The following LDAH variants were observed in gnomAD, a reference collection of about 807,000 sequenced individuals.
LDAH encodes the protein lipid droplet-associated hydrolase.
Under a neutral mutation model 29.6 loss-of-function variants are expected in LDAH, and 26 were observed. The ratio of observed to expected loss-of-function variants is 0.88; its 90% CI spans 0.64 to 1.22. LDAH has a LOEUF of 1.22. LDAH is among the 50% of genes most tolerant of loss of function. The probability of loss-of-function intolerance (pLI) is 0.00; values close to 1 mark genes in which losing one functional copy is unlikely to be tolerated. For missense variants in LDAH, 344 were observed against 387.3 expected, an observed-to-expected ratio of 0.89 and a Z score of 0.94; for synonymous variants, 117 against 133.0, an observed-to-expected ratio of 0.88 and a Z score of 0.83.
intron 3 of LDAH, among the ~76,000 whole-genome samples, chr2:20,789,658 G>C (rs370221541): frequency 6.6e-6 from 1 of 152,054 alleles, no homozygotes; most frequent in South Asian, 2.1e-4. Flanking sequence ...TTTATAAAAG[G>C]GGTTCCCAAC....
intron 5 of LDAH, among the ~76,000 whole-genome samples, chr2:20,702,541 C>T (rs190649993): frequency 5.3e-5 from 8 of 152,202 alleles, no homozygotes; most frequent in African/African-American, 1.4e-4. Flanking sequence ...ATATACCCTA[C>T]GCTTTCTTGT....
intron 4 of LDAH, among the ~76,000 whole-genome samples, chr2:20,748,162 T>C (rs1279590762): frequency 6.6e-6 from 1 of 152,146 alleles, no homozygotes; most frequent in African/African-American, 2.4e-5. Context: ...TGAAACAAAA[T>C]TATGCCATTT....
At chr2:20,767,816 A>G (rs1383254771) in intron 4 of LDAH, among the ~76,000 whole-genome samples, 1 of 152,224 alleles carries the variant, frequency 6.6e-6, no homozygotes, top group Non-Finnish European at 1.5e-5. Flanking sequence ...CAGCCAGAGC[A>G]GAGCAGAGGA....
In LDAH at chr2:20,685,460, G is replaced by A. The variant is rs1662492490; in HGVS notation, c.*1443C>T. ...TCCCCTTGGGCTAACAGCACTCCTT[G>A]TCTGGAGCTTGGCTTTTCCCCTCTG... On this transcript the variant is annotated 3_prime_UTR_variant, in exon 7 of 7. Coordinates refer to ENST00000237822, the MANE Select transcript of LDAH (RefSeq NM_021925.4). The A allele has an allele frequency of 7.3e-6, 11 of 1,500,986 alleles. No homozygotes were observed. Among genetic ancestry groups the A allele is most frequent in the Non-Finnish European group, 9.8e-6 (11 of 1,121,038 alleles). 93.0% of individuals were successfully genotyped at this position (1,500,986 alleles called of 1,614,324 possible).
intron 4 of LDAH, among the ~76,000 whole-genome samples, chr2:20,743,724 G>A (rs1366421673): frequency 6.6e-6 from 1 of 151,562 alleles, no homozygotes; most frequent in Non-Finnish European, 1.5e-5. Flanking sequence ...TTCTTTCTGA[G>A]TTTCCTGGAT....
At chr2:20,804,338 G>T (rs1671921755) in intron 1 of LDAH, among the ~76,000 whole-genome samples, 1 of 152,026 alleles carries the variant, frequency 6.6e-6, no homozygotes, top group African/African-American at 2.4e-5. Flanking sequence ...CTCATAAAAG[G>T]TATAAACTTT....
intron 4 of LDAH, among the ~76,000 whole-genome samples, chr2:20,770,092 C>G (rs969029397): frequency 6.6e-6 from 1 of 152,048 alleles, no homozygotes; most frequent in African/African-American, 2.4e-5. Flanking sequence ...GTGTTATTAC[C>G]ACTGCCCTTA....
chr2:20,683,327 C>T (rs1662366838), downstream of LDAH, among the ~76,000 whole-genome samples: 1 of 152,206 alleles, frequency 6.6e-6, no homozygotes, highest in East Asian at 1.9e-4. Flanking sequence ...TTGCTGTCCT[C>T]AGCACTCCTG....
At chr2:20,785,148 G>A (rs1207169260) in intron 3 of LDAH, among the ~76,000 whole-genome samples, 2 of 152,106 alleles carry the variant, frequency 1.3e-5, no homozygotes, top group African/African-American at 4.8e-5. Context: ...CTTCTCCGAT[G>A]CTCTTCTTTA....
At chr2:20,763,879 T>G (rs17665125) in intron 4 of LDAH, among the ~76,000 whole-genome samples, 8 of 152,124 alleles carry the variant, frequency 5.3e-5, no homozygotes, top group Admixed American at 5.2e-4. Flanking sequence ...TGTTCTATTA[T>G]AAACCCGTTT....
chr2:20,712,574 A>G (rs1664850934), intron 5 of LDAH, among the ~76,000 whole-genome samples: 1 of 152,364 alleles, frequency 6.6e-6, no homozygotes, highest in East Asian at 1.9e-4. Context: ...GAAGGTCGGT[A>G]ATAACAAACT....
intron 4 of LDAH, among the ~76,000 whole-genome samples, chr2:20,742,550 T>C (rs113883892): frequency 6.6e-6 from 1 of 152,160 alleles, no homozygotes; most frequent in African/African-American, 2.4e-5. Flanking sequence ...ATTACGTAAT[T>C]ACCTTTTTTA....
chr2:20,759,659 C>A (rs1257112030), intron 4 of LDAH, among the ~76,000 whole-genome samples: 1 of 152,134 alleles, frequency 6.6e-6, no homozygotes, highest in Non-Finnish European at 1.5e-5. Flanking sequence ...TCTATCTGAA[C>A]TAAACAAAAG....
intron 4 of LDAH, among the ~76,000 whole-genome samples, chr2:20,754,428 T>C (rs551546081): frequency 1.4e-5 from 2 of 144,538 alleles, no homozygotes; most frequent in African/African-American, 2.7e-5. Flanking sequence ...GAGGTGGAGT[T>C]TGCAGTGAGC....
chr2:20,703,702 C>A (rs961323761), intron 5 of LDAH, among the ~76,000 whole-genome samples: 3 of 152,190 alleles, frequency 2.0e-5, no homozygotes, highest in Non-Finnish European at 4.4e-5. Flanking sequence ...GACCTCCTTT[C>A]CAGGACCCTG....
chr2:20,805,435 C>T (rs1382334005), intron 1 of LDAH, among the ~76,000 whole-genome samples: 1 of 152,112 alleles, frequency 6.6e-6, no homozygotes. Flanking sequence ...ATCTGAGGCA[C>T]GAGAATTAAA....
chr2:20,759,146 C>T (rs1668519928), intron 4 of LDAH, among the ~76,000 whole-genome samples: 1 of 152,126 alleles, frequency 6.6e-6, no homozygotes, highest in South Asian at 2.1e-4. Flanking sequence ...CATAACAGTA[C>T]TGGTGAGGGG....
chr2:20,696,623 TTGAAA>T (rs1663508848), intron 6 of LDAH, among the ~76,000 whole-genome samples: 1 of 152,214 alleles, frequency 6.6e-6, no homozygotes, highest in Non-Finnish European at 1.5e-5. Flanking sequence ...CTAAGTGGGT[TTGAAA>T]TGAAAACTTC....
In LDAH at chr2:20,749,189, C is replaced by T. The variant is rs188047725; in HGVS notation, c.469-8984G>A. On this transcript the variant is annotated intron_variant, in intron 4 of 6. Coordinates refer to ENST00000237822, the MANE Select transcript of LDAH (RefSeq NM_021925.4). ...AGAGATATTTAGAGAGGTATCAGGA[C>T]ATGGGAAATGAAGAGTAAAATAGAA... Among the ~76,000 whole-genome samples the T allele has an allele frequency of 4.6e-5, 7 of 152,180 alleles. No homozygotes were observed. In the East Asian group the frequency reaches 1.4e-3, roughly 29 times the overall value.
Sources: gnomAD v4.1 joint callset for allele counts (sites outside exome capture counted in the v4.1 genomes callset) on GRCh38, gnomAD v4.1.1 for gene constraint, MANE v1.5 for transcripts, NCBI Gene and HGNC (gene_info 2026-07-23, HGNC 2026-07-21) for gene names.